BTBD2: variants seen among roughly 807,000 people sequenced by gnomAD.
BTBD2 encodes BTB domain containing 2, also known as BTB/POZ domain-containing protein 2.
BTBD2 carries 15 observed loss-of-function variants against 44.0 expected under a neutral mutation model. The observed-to-expected ratio is 0.34, with a 90% CI of 0.23 to 0.53. The LOEUF (loss-of-function observed/expected upper bound fraction) is 0.53, where lower values mean the gene tolerates loss of function less well. Among genes scored for constraint, BTBD2 ranks in the 20% least tolerant of loss-of-function variants. BTBD2 has a pLI of 0.95. For synonymous variants in BTBD2, 443 were observed against 335.9 expected, an observed-to-expected ratio of 1.32 and a Z score of -3.49; for missense variants, 657 against 746.4, an observed-to-expected ratio of 0.88 and a Z score of 1.39.
intron 8 of BTBD2, 90 bp downstream of exon 8, chr19:1,986,740 G>A (rs1233510575): frequency 3.9e-5 from 62 of 1,575,076 alleles, no homozygotes; most frequent in Non-Finnish European, 5.2e-5. Context: ...GGGCCAGGGT[G>A]GCTGCCTCTG....
intron 1 of BTBD2, among the ~76,000 whole-genome samples, chr19:1,999,468 C>T (rs1398417187): frequency 6.6e-6 from 1 of 152,194 alleles, no homozygotes; most frequent in Non-Finnish European, 1.5e-5. Context: ...GAGTTTGAGA[C>T]CAGCCTGGGC....
At chr19:2,013,270 G>A (rs944729118) in intron 1 of BTBD2, among the ~76,000 whole-genome samples, 7 of 152,174 alleles carry the variant, frequency 4.6e-5, no homozygotes, top group Non-Finnish European at 5.9e-5. Flanking sequence ...CCCTGCCCCC[G>A]ACCAATGAGG....
rs373043225 is a variant in BTBD2, at chr19:1,987,679, C to T, written c.1002G>A (p.Ser334=). ...CCACCTCGCGGTCCACCAGGATGCC[C>T]GACTGTGCGGGACCTGCAGCACAGG... ...IEEFAAGPAQ[S]GILVDREVVS... is the part of the protein sequence containing the mutation. The change falls in exon 6 of 9, where the codon TCG becomes TCA. Residue 334 remains serine (S), a synonymous_variant. Transcript: ENST00000255608. 8.9e-5 allele frequency: 142 copies of T among 1,603,100 alleles called. 1 individual carries two copies. The highest frequency in any genetic ancestry group is 3.7e-4 in the South Asian group (33 of 89,420).
intron 1 of BTBD2, 130 bp from the exon 2 acceptor site, chr19:1,997,593 C>T (rs1248927448): frequency 7.4e-7 from 1 of 1,353,496 alleles, no homozygotes; most frequent in East Asian, 2.3e-5. Flanking sequence ...ATGTACCAGG[C>T]CCCCCGATGG....
At chr19:1,994,364 TC>T (rs1319628562) in intron 2 of BTBD2, among the ~76,000 whole-genome samples, 1 of 151,886 alleles carries the variant, frequency 6.6e-6, no homozygotes, top group African/African-American at 2.4e-5. Context: ...GAGCAGTGGC[TC>T]ACATCTGTAA....
Position 1,990,012 on chromosome 19 carries a change from A to T in BTBD2, c.980T>A (p.Phe327Tyr), listed in dbSNP as rs1390729267. 6.2e-7 allele frequency: 1 copy of T among 1,613,180 alleles called. No individual in the cohort carries two copies. The highest frequency in any genetic ancestry group is 8.5e-7 in the Non-Finnish European group (1 of 1,179,998). Residue 327 changes from phenylalanine to tyrosine, a missense_variant, in exon 5 of 9, where the codon TTC becomes TAC. Physicochemically the swap from Phe to Tyr is conservative, Grantham distance 22. This residue lies in a region of BTBD2 where 449 missense variants were observed against 510.9 expected (regional missense o/e 0.88). Transcript: ENST00000255608. ...AGCCCGAGCTCTGTTACCTGCAGCG[A>T]ACTCCTCGATGGTCATGAGCGGGAA... ...IRFPLMTIEE[F>Y]AAGPAQSGIL...
chr19:1,986,952 C>G lies in BTBD2; in HGVS notation c.1294G>C (p.Val432Leu), dbSNP rs772049204. 6.2e-7 allele frequency: 1 copy of G among 1,613,040 alleles called. No individual in the cohort carries two copies. Among genetic ancestry groups the G allele is most frequent in the Non-Finnish European group, 8.5e-7 (1 of 1,179,676 alleles). The part of the protein sequence containing the change: ...IQIIHTDSNT[V>L]LGQNDTGFSC... ...AAGCCCGTGTCGTTCTGGCCCAAGA[C>G]GGTGTTGCTATCGGTGTGAATAATC... The change falls in exon 8 of 9, where the codon GTC becomes CTC. Residue 432 changes from valine to leucine, a missense_variant. Around this residue, in one of 3 missense-constraint regions of BTBD2, gnomAD observed 449 missense variants for 510.9 expected, o/e 0.88. Transcript: ENST00000255608.
chr19:1,994,333 TA>T (rs1024085207), intron 2 of BTBD2, among the ~76,000 whole-genome samples: 2 of 149,672 alleles, frequency 1.3e-5, no homozygotes, highest in East Asian at 4.0e-4. Flanking sequence ...AAATAAAAAA[TA>T]AAAAAATGTC....
intron 1 of BTBD2, among the ~76,000 whole-genome samples, chr19:2,001,325 T>C (rs550659532): frequency 5.3e-5 from 8 of 151,820 alleles, no homozygotes; most frequent in East Asian, 3.9e-4. Flanking sequence ...TGAAACCCCG[T>C]CTCTACTAAA....
rs1425312152 is a variant in BTBD2, at chr19:1,990,150, C to T, written c.842G>A (p.Arg281Gln). Residue 281 changes from arginine to glutamine, a missense_variant, in exon 5 of 9, where the codon CGG (arginine) becomes CAG (glutamine). Arg to Gln is a conservative substitution (Grantham distance 43). This residue lies in a region of BTBD2 where 449 missense variants were observed against 510.9 expected (regional missense o/e 0.88). Transcript: ENST00000255608. ...ERDTLGIREVRLFNAVVRWSE... is the reference protein window; with the variant it reads ...ERDTLGIREVQLFNAVVRWSE... ...CCAGCGGACAACGGCATTGAACAGC[C>T]GCACCTCACGGATGCCCAGTGTGTC... 1.1e-5 allele frequency: 17 copies of T among 1,611,014 alleles called. No homozygotes were observed. Among genetic ancestry groups the T allele is most frequent in the Admixed American group, 3.3e-5 (2 of 59,744 alleles).
Position 2,015,633 on chromosome 19 carries a change from C to G in BTBD2, c.71G>C (p.Gly24Ala), listed in dbSNP as rs2016526445. 1.0e-6 allele frequency: 1 copy of G among 982,624 alleles called. No homozygotes were observed. Among genetic ancestry groups the G allele is most frequent in the Non-Finnish European group, 1.2e-6 (1 of 831,170 alleles). The allele number at this position is 982,624 out of a possible 1,614,324, so 60.9% of individuals were successfully genotyped here. The stretch of plus-strand genomic sequence containing the variant: ...GGCGTTGGCGCTGGGCCCGGGACTG[C>G]CCCCCGTGCCCGGGCCGACCCCGAC... Reference protein sequence around the residue: ...PGVGVGPGTGGSPGPSANAAA... With the variant: ...PGVGVGPGTGASPGPSANAAA... The change falls in exon 1 of 9, where the codon GGC (glycine) becomes GCC (alanine). Residue 24 changes from glycine to alanine, a missense_variant. Around this residue, in one of 3 missense-constraint regions of BTBD2, gnomAD observed 191 missense variants for 188.5 expected, o/e 1.01. Coordinates refer to ENST00000255608, the MANE Select transcript of BTBD2 (RefSeq NM_017797.4).
chr19:2,013,075 G>A (rs1047686663), intron 1 of BTBD2, among the ~76,000 whole-genome samples: 1 of 152,234 alleles, frequency 6.6e-6, no homozygotes, highest in Admixed American at 6.5e-5. Flanking sequence ...AGCCGTAGGA[G>A]GCCCCGGAAC....
At chr19:1,999,779 T>C (rs546294710) in intron 1 of BTBD2, among the ~76,000 whole-genome samples, 102 of 151,010 alleles carry the variant, frequency 6.8e-4, no homozygotes, top group Middle Eastern at 3.4e-3. Flanking sequence ...CTGGCCAACA[T>C]GGTGAAACCC....
rs550646451 is a variant in BTBD2 at position 2,004,944 on chromosome 19, C to T, written c.408-7481G>A. On this transcript the variant is annotated intron_variant, in intron 1 of 8. Transcript: ENST00000255608. ...AAGCGATTCTCCTGCCTCAGCCTCC[C>T]GAGTAGCTGGGACTACAGGCGCCCA... Among the ~76,000 whole-genome samples, 317 of 152,030 alleles carry T rather than the reference C, an allele frequency of 2.1e-3. 1 individual carries two copies. The highest frequency in any genetic ancestry group is 5.3e-3 in the Admixed American group (81 of 15,244).
chr19:2,007,845 AAC>A (rs1381712158), intron 1 of BTBD2, among the ~76,000 whole-genome samples: 2 of 152,054 alleles, frequency 1.3e-5, no homozygotes, highest in Non-Finnish European at 1.5e-5. Flanking sequence ...AATAAAACAA[AAC>A]ACAGAATATA....
intron 2 of BTBD2, among the ~76,000 whole-genome samples, chr19:1,996,177 C>T (rs552982565): frequency 3.3e-4 from 50 of 152,296 alleles, no homozygotes; most frequent in African/African-American, 9.6e-4. Context: ...TCTGTCCTTA[C>T]GCCAGTACCA....
intron 1 of BTBD2, among the ~76,000 whole-genome samples, chr19:2,001,875 C>T (rs570079878): frequency 1.3e-4 from 19 of 151,826 alleles, no homozygotes; most frequent in African/African-American, 4.1e-4. Flanking sequence ...GTAGCTGGGA[C>T]TACAAGCATA....
intron 1 of BTBD2, among the ~76,000 whole-genome samples, chr19:2,009,048 T>C (rs1323113594): frequency 6.7e-6 from 1 of 150,190 alleles, no homozygotes; most frequent in Non-Finnish European, 1.5e-5. Flanking sequence ...AGACAGAGTC[T>C]CGCTTTGTCA....
intron 1 of BTBD2, chr19:2,013,662 G>C: frequency 4.1e-6 from 4 of 986,658 alleles, no homozygotes; most frequent in Non-Finnish European, 4.8e-6. Context: ...GTCCGGGGCT[G>C]GAGGGGCTGT....
Sources: allele counts gnomAD v4.1 joint callset (sites outside exome capture counted in the v4.1 genomes callset), GRCh38; gene constraint gnomAD v4.1.1; regional missense constraint gnomAD v4.1.1; transcripts MANE v1.5; gene names NCBI Gene and HGNC (gene_info 2026-07-23, HGNC 2026-07-21).